Variants in DLG2 observed in about 807,000 individuals in gnomAD.
DLG2 encodes the protein disks large homolog 2.
In DLG2, 45 loss-of-function variants were observed where a neutral mutation model predicts 132.5. The observed-to-expected ratio is 0.34, with a 90% CI of 0.27 to 0.44. DLG2 has a LOEUF of 0.44. Among genes scored for constraint, DLG2 ranks in the 20% least tolerant of loss-of-function variants. The pLI, the probability that DLG2 is intolerant of heterozygous loss-of-function variation, is 1.00. For synonymous variants in DLG2, 424 were observed against 419.6 expected (o/e 1.01, Z -0.13); for missense variants, 1,045 against 1,196.9 (o/e 0.87, Z 1.87).
chr11:84,585,337 C>T (rs2154529735), intron 6 of DLG2, among the ~76,000 whole-genome samples: 1 of 152,168 alleles, frequency 6.6e-6, no homozygotes, highest in African/African-American at 2.4e-5. Context: ...GGTGAACTTA[C>T]CTTCTGTTTC....
At position 83,980,525 on chromosome 11, in the gene DLG2, A is replaced by C; in HGVS notation, c.1037T>G (p.Val346Gly). The change falls in exon 12 of 28, where the codon GTA becomes GGA. Residue 346 changes from valine to glycine, a missense_variant. Coordinates refer to ENST00000376104, the MANE Select transcript of DLG2 (RefSeq NM_001142699.3). ...GAAQKDGRLQ[V>G]GDRLLMVNNY... ...ACTCACCATTAGTAGTCTATCTCCT[A>C]CTTGCAACCTTCCATCTTTTTGTGC... 1 of 1,613,656 alleles carries C rather than the reference A, an allele frequency of 6.2e-7. No individual in the cohort carries two copies. Among genetic ancestry groups the C allele is most frequent in the Non-Finnish European group, 8.5e-7 (1 of 1,179,764 alleles).
intron 3 of DLG2, among the ~76,000 whole-genome samples, chr11:85,591,795 A>G (rs2079361705): frequency 6.6e-6 from 1 of 152,196 alleles, no homozygotes; most frequent in Non-Finnish European, 1.5e-5. Flanking sequence ...TAAGCCTCTC[A>G]TTCATAGCCA....
rs1387111001 is a variant in DLG2, at chr11:84,890,334, A to G, written c.357+221327T>C. ...AAAAGGTCCAAGTTACCTCTCAGACATCAGGCAGATGATTAATTGTACTGT... is the reference window on the plus strand; with the variant it reads ...AAAAGGTCCAAGTTACCTCTCAGACGTCAGGCAGATGATTAATTGTACTGT... On this transcript the variant is annotated intron_variant, in intron 6 of 27. Transcript: ENST00000376104. 2.6e-5 allele frequency among the ~76,000 whole-genome samples: 4 copies of G among 152,176 alleles called. No individual in the cohort carries two copies. The East Asian group carries it at 7.7e-4, about 29-fold the overall frequency.
intron 6 of DLG2, among the ~76,000 whole-genome samples, chr11:84,849,812 T>C (rs1177835592): frequency 6.6e-6 from 1 of 152,162 alleles, no homozygotes; most frequent in Non-Finnish European, 1.5e-5. Flanking sequence ...TCAAAAGACC[T>C]ATGACATTAT....
intron 7 of DLG2, among the ~76,000 whole-genome samples, chr11:84,287,043 T>C (rs531934100): frequency 6.6e-6 from 1 of 152,336 alleles, no homozygotes; most frequent in East Asian, 1.9e-4. Context: ...ATGATGTTTA[T>C]GTCATATAAT....
chr11:84,720,575 G>T, intron 6 of DLG2: 3 of 735,128 alleles, frequency 4.1e-6, no homozygotes, highest in Non-Finnish European at 5.0e-6. Context: ...GCCTCTCGGG[G>T]TCTCCCTTCC....
At chr11:85,537,354 T>C (rs2075660994) in intron 3 of DLG2, among the ~76,000 whole-genome samples, 1 of 152,194 alleles carries the variant, frequency 6.6e-6, no homozygotes, top group South Asian at 2.1e-4. Context: ...ACCTTTGTTC[T>C]TTCACTCTTC....
At chr11:84,947,216 T>C (rs1330667015) in intron 6 of DLG2, among the ~76,000 whole-genome samples, 1 of 152,210 alleles carries the variant, frequency 6.6e-6, no homozygotes, top group Non-Finnish European at 1.5e-5. Flanking sequence ...TTGGTTCTTA[T>C]GAGGGTGCAT....
chr11:84,142,666 C>T (rs923617878), intron 9 of DLG2, among the ~76,000 whole-genome samples: 1 of 152,106 alleles, frequency 6.6e-6, no homozygotes, highest in South Asian at 2.1e-4. Context: ...AACAAAAAGG[C>T]AGAGGAAGGA....
intron 4 of DLG2, among the ~76,000 whole-genome samples, chr11:85,214,128 C>T (rs968474156): frequency 2.0e-5 from 3 of 152,136 alleles, no homozygotes; most frequent in Non-Finnish European, 4.4e-5. Context: ...TACCATGTCC[C>T]GTTGTGAGCC....
At chr11:84,072,764 T>C (rs1290682985) in intron 10 of DLG2, among the ~76,000 whole-genome samples, 3 of 152,194 alleles carry the variant, frequency 2.0e-5, no homozygotes, top group Non-Finnish European at 4.4e-5. Context: ...CCAGGTACAA[T>C]GTGGAGATGT....
intron 6 of DLG2, among the ~76,000 whole-genome samples, chr11:84,947,671 T>A (rs2050390958): frequency 6.6e-6 from 1 of 152,218 alleles, no homozygotes; most frequent in Non-Finnish European, 1.5e-5. Flanking sequence ...AAATAGCCTC[T>A]GCTTGTTCAT....
At chr11:85,202,902 C>T (rs1182815721) in intron 4 of DLG2, among the ~76,000 whole-genome samples, 1 of 151,698 alleles carries the variant, frequency 6.6e-6, no homozygotes, top group Non-Finnish European at 1.5e-5. Context: ...GAAAGCAGTA[C>T]TCTAAGGGAA....
chr11:83,861,988 T>A (rs1245097712), intron 16 of DLG2, among the ~76,000 whole-genome samples: 1 of 152,182 alleles, frequency 6.6e-6, no homozygotes, highest in African/African-American at 2.4e-5. Flanking sequence ...ATGTACCCCA[T>A]AAATATATAC....
At chr11:84,665,410 A>C (rs1223264223) in intron 6 of DLG2, among the ~76,000 whole-genome samples, 2 of 152,180 alleles carry the variant, frequency 1.3e-5, no homozygotes, top group Non-Finnish European at 2.9e-5. Flanking sequence ...TTCAGAGGCT[A>C]AGATCTTACG....
chr11:84,719,616 T>C (rs1478302632), intron 6 of DLG2, among the ~76,000 whole-genome samples: 1 of 152,190 alleles, frequency 6.6e-6, no homozygotes, highest in African/African-American at 2.4e-5. Flanking sequence ...AATGATAACC[T>C]GTTTTAAAAA....
chr11:83,789,982 C>G (rs994059996), intron 17 of DLG2: 1 of 1,357,060 alleles, frequency 7.4e-7, no homozygotes, highest in Non-Finnish European at 9.6e-7. Flanking sequence ...AGTAGTGCTT[C>G]TCCTGTAAAT....
chr11:84,283,329 A>G (rs1226817758), intron 7 of DLG2, among the ~76,000 whole-genome samples: 11 of 152,212 alleles, frequency 7.2e-5, no homozygotes, highest in Admixed American at 5.9e-4. Context: ...GCCAAGTTCC[A>G]TAGTTTCTGT....
At chr11:84,443,449 C>G (rs1192305989) in intron 7 of DLG2, among the ~76,000 whole-genome samples, 1 of 152,126 alleles carries the variant, frequency 6.6e-6, no homozygotes, top group African/African-American at 2.4e-5. Flanking sequence ...TGGTGGATCA[C>G]AGAATATGTC....
Sources: gnomAD v4.1 joint callset for allele counts (sites outside exome capture counted in the v4.1 genomes callset) on GRCh38, gnomAD v4.1.1 for gene constraint, MANE v1.5 for transcripts, NCBI Gene and HGNC (gene_info 2026-07-23, HGNC 2026-07-21) for gene names.